The following ZNF365 variants were observed in gnomAD, a reference collection of about 807,000 sequenced individuals.
ZNF365 encodes the protein protein ZNF365.
Under a neutral mutation model 35.0 loss-of-function variants are expected in ZNF365, and 22 were observed. The observed-to-expected ratio is 0.63, with a 90% confidence interval of 0.45 to 0.90. ZNF365 has a LOEUF of 0.90. ZNF365 is among the 40% of genes least tolerant of loss of function. The probability of loss-of-function intolerance (pLI) is 0.00; values close to 1 mark genes in which losing one functional copy is unlikely to be tolerated. For synonymous variants in ZNF365, 188 were observed against 196.2 expected (o/e 0.96, Z 0.35); for missense variants, 448 against 500.3 (o/e 0.90, Z 1.00).
chr10:62,444,734 CT>C (rs1373021458), intron 3 of ZNF365, among the ~76,000 whole-genome samples: 8 of 152,092 alleles, frequency 5.3e-5, no homozygotes, highest in Admixed American at 1.3e-4. Context: ...GCCTTCTTAC[CT>C]CTTTCAGGCA....
At chr10:62,458,096 C>T (rs1266490742) in intron 3 of ZNF365, among the ~76,000 whole-genome samples, 3 of 152,184 alleles carry the variant, frequency 2.0e-5, no homozygotes, top group African/African-American at 7.2e-5. Context: ...AGAGAGATGA[C>T]AAAAGTCAAA....
chr10:62,402,257 G>T lies in ZNF365; in HGVS notation c.*2468G>T. The T allele has an allele frequency of 1.0e-6, 1 of 985,594 alleles. No individual in the cohort carries two copies. Among genetic ancestry groups the T allele is most frequent in the Non-Finnish European group, 1.2e-6 (1 of 829,880 alleles). 61.1% of individuals were successfully genotyped at this position (985,594 alleles called of 1,614,324 possible). On this transcript the variant is annotated 3_prime_UTR_variant, in exon 5 of 5. Coordinates refer to ENST00000395254, the MANE Select transcript of ZNF365 (RefSeq NM_014951.3). ...TAGGGAAGAAATCTTCCTTTGAACC[G>T]CTTTTCTTGCTTTTTCCCTTTTTCC... is the stretch of plus-strand genomic sequence containing the variant.
chr10:62,429,882 C>T (rs555275281), intron 3 of ZNF365, among the ~76,000 whole-genome samples: 2 of 152,084 alleles, frequency 1.3e-5, no homozygotes, highest in Non-Finnish European at 2.9e-5. Flanking sequence ...CGTTACTCAC[C>T]AAAGAAACTT....
intron 3 of ZNF365, among the ~76,000 whole-genome samples, chr10:62,427,583 C>T (rs577958628): frequency 1.3e-5 from 2 of 152,282 alleles, no homozygotes; most frequent in South Asian, 4.1e-4. Context: ...TCTGTGTATG[C>T]TGTTGTAGAA....
At chr10:62,403,239 T>C (rs1205300841), downstream of ZNF365, among the ~76,000 whole-genome samples, 1 of 152,198 alleles carries the variant, frequency 6.6e-6, no homozygotes, top group African/African-American at 2.4e-5. Context: ...TACAGTTATA[T>C]TCATTAAGTG....
chr10:62,440,849 C>T (rs1394171764), intron 3 of ZNF365, among the ~76,000 whole-genome samples: 1 of 152,132 alleles, frequency 6.6e-6, no homozygotes, highest in Non-Finnish European at 1.5e-5. Flanking sequence ...AAAGTCCTTC[C>T]TACATATTAG....
chr10:62,405,414 C>T (rs1368898654), downstream of ZNF365, among the ~76,000 whole-genome samples: 4 of 152,136 alleles, frequency 2.6e-5, no homozygotes, highest in Non-Finnish European at 5.9e-5. Context: ...GGCCCAGGAA[C>T]GCCTCTGTGA....
At chr10:62,456,144 C>A (rs1840757715) in intron 3 of ZNF365, among the ~76,000 whole-genome samples, 1 of 152,058 alleles carries the variant, frequency 6.6e-6, no homozygotes, top group South Asian at 2.1e-4. Context: ...CTACTGTGAA[C>A]AAGAGGCTGC....
intron 2 of ZNF365, among the ~76,000 whole-genome samples, chr10:62,387,542 G>A (rs1425263884): frequency 1.3e-5 from 2 of 152,092 alleles, no homozygotes; most frequent in African/African-American, 2.4e-5. Flanking sequence ...AATTTTTCTG[G>A]ATTTGTAATC....
intron 3 of ZNF365, among the ~76,000 whole-genome samples, chr10:62,432,328 T>C (rs143561412): frequency 2.0e-5 from 3 of 152,330 alleles, no homozygotes; most frequent in East Asian, 3.9e-4. Flanking sequence ...CCAGACATTT[T>C]ACTCATGTGC....
intron 3 of ZNF365, 124 bp from the exon 4 acceptor site, chr10:62,398,616 T>A: frequency 1.3e-6 from 1 of 791,754 alleles, no homozygotes; most frequent in Non-Finnish European, 2.1e-6. Flanking sequence ...CAGGTCGTGC[T>A]ACCAGTAGCA....
At chr10:62,471,775 A>C (rs1747784771) in intron 4 of ZNF365, among the ~76,000 whole-genome samples, 1 of 152,222 alleles carries the variant, frequency 6.6e-6, no homozygotes, top group Non-Finnish European at 1.5e-5. Context: ...CTAGAAAGAA[A>C]ACATTATTTT....
chr10:62,378,848 A>T (rs780197848), intron 2 of ZNF365, among the ~76,000 whole-genome samples: 1 of 151,970 alleles, frequency 6.6e-6, no homozygotes, highest in Non-Finnish European at 1.5e-5. Flanking sequence ...ACTCTTTTTG[A>T]CTGTTGTGTA....
chr10:62,476,207 T>G (rs1234246482), intron 4 of ZNF365, among the ~76,000 whole-genome samples: 1 of 152,010 alleles, frequency 6.6e-6, no homozygotes, highest in Non-Finnish European at 1.5e-5. Context: ...TCCAAATAAT[T>G]TAGTTATTTT....
At chr10:62,445,938 A>T (rs553290976) in intron 3 of ZNF365, among the ~76,000 whole-genome samples, 63 of 152,320 alleles carry the variant, frequency 4.1e-4, no homozygotes, top group African/African-American at 1.5e-3. Context: ...CCATGAACCC[A>T]GGAACTCTGG....
intron 4 of ZNF365, among the ~76,000 whole-genome samples, chr10:62,465,582 A>G (rs934124530): frequency 6.6e-6 from 1 of 151,802 alleles, no homozygotes; most frequent in Admixed American, 6.6e-5. Flanking sequence ...GCACTTTTTG[A>G]GCCCATAAAA....
intron 3 of ZNF365, among the ~76,000 whole-genome samples, chr10:62,408,944 T>A (rs1290159839): frequency 6.6e-6 from 1 of 152,196 alleles, no homozygotes; most frequent in Admixed American, 6.5e-5. Context: ...TTGGTCTTAC[T>A]TTCTCTACTC....
intron 3 of ZNF365, among the ~76,000 whole-genome samples, chr10:62,458,568 AAAC>A (rs1311674717): frequency 6.6e-6 from 1 of 151,974 alleles, no homozygotes; most frequent in African/African-American, 2.4e-5. Flanking sequence ...GTTTTTTTTA[AAAC>A]AACATTAGAT....
chr10:62,469,091 A>G (rs1297792192), intron 4 of ZNF365, among the ~76,000 whole-genome samples: 4 of 152,236 alleles, frequency 2.6e-5, no homozygotes, highest in African/African-American at 9.6e-5. Context: ...AGCAGAGTTC[A>G]TGGCAACAGT....
Sources: gnomAD v4.1 joint callset for allele counts (sites outside exome capture counted in the v4.1 genomes callset) on GRCh38, gnomAD v4.1.1 for gene constraint, MANE v1.5 for transcripts, NCBI Gene and HGNC (gene_info 2026-07-23, HGNC 2026-07-21) for gene names.